Variants in NOL4L observed in about 807,000 individuals in gnomAD.
The protein encoded by NOL4L is nucleolar protein 4 like, also known as nucleolar protein 4-like.
NOL4L carries 7 observed loss-of-function variants against 64.5 expected under a neutral mutation model. The ratio of observed to expected loss-of-function variants is 0.11; its 90% CI spans 0.06 to 0.20. The LOEUF (loss-of-function observed/expected upper bound fraction) is 0.20. NOL4L is among the 10% of genes least tolerant of loss of function. The pLI, the probability that NOL4L is intolerant of heterozygous loss-of-function variation, is 1.00. For synonymous variants in NOL4L, 413 were observed against 401.0 expected, an observed-to-expected ratio of 1.03 and a Z score of -0.36; for missense variants, 680 against 967.1, an observed-to-expected ratio of 0.70 and a Z score of 3.94.
intron 1 of NOL4L, among the ~76,000 whole-genome samples, chr20:32,547,322 A>G (rs889168345): frequency 1.3e-5 from 2 of 152,080 alleles, no homozygotes; most frequent in African/African-American, 4.8e-5. Context: ...AGAGGATCCC[A>G]TTCTGTCACC....
intron 4 of NOL4L, among the ~76,000 whole-genome samples, chr20:32,498,714 G>A (rs894199818): frequency 1.4e-5 from 2 of 138,372 alleles, no homozygotes; most frequent in Non-Finnish European, 3.0e-5. Context: ...ATTGAGCTGT[G>A]ATTGCACCAC....
rs6058745 is a variant in NOL4L at position 32,578,146 on chromosome 20, G to A, written c.321+6424C>T. ...AAGGAAGGAAGGAAGGAAGGAGGGA[G>A]GGAGGGAGGGAGGGAGGGAGGGAGG... is the stretch of plus-strand genomic sequence containing the variant. On this transcript the variant is annotated intron_variant, in intron 1 of 10. Transcript: ENST00000621426. Among the ~76,000 whole-genome samples, 2,136 of 64,986 alleles carry A rather than the reference G, an allele frequency of 0.033. 48 individuals carry two copies. The East Asian group carries it at 0.38, about 12-fold the overall frequency. 42.6% of individuals were successfully genotyped at this position (64,986 alleles called of 152,430 possible).
rs1345779718 is a variant in NOL4L at position 32,446,445 on chromosome 20, C to CTGA, written c.*1148_*1150dup. ...AGCCCGCCCTGGAGCTCACGGCTGC[C>CTGA]TGATAGCCGGGGCTCACCCTGAAGA... is the stretch of plus-strand genomic sequence containing the variant. On this transcript the variant is annotated 3_prime_UTR_variant, in exon 11 of 11. Coordinates refer to ENST00000621426, the MANE Select transcript of NOL4L (RefSeq NM_001256798.2). 2.0e-5 allele frequency: 3 copies of CTGA among 152,344 alleles called. No individual in the cohort carries two copies. The allele number at this position is 152,344 out of a possible 1,614,324, so 9.4% of individuals were successfully genotyped here.
intron 4 of NOL4L, among the ~76,000 whole-genome samples, chr20:32,490,929 C>A (rs1233169598): frequency 6.6e-6 from 1 of 152,218 alleles, no homozygotes; most frequent in Non-Finnish European, 1.5e-5. Flanking sequence ...TTCTGTTCCT[C>A]TCTGGGAACT....
intron 4 of NOL4L, among the ~76,000 whole-genome samples, chr20:32,476,198 G>GACACACACACACACACACAC (rs1167969757): frequency 7.1e-6 from 1 of 140,976 alleles, no homozygotes; most frequent in Non-Finnish European, 1.5e-5. Context: ...CACCCGGAGG[G>GACACACACACACACACACAC]ACACACACAC....
intron 4 of NOL4L, among the ~76,000 whole-genome samples, chr20:32,476,479 C>T (rs2015408812): frequency 6.6e-6 from 1 of 152,172 alleles, no homozygotes; most frequent in Non-Finnish European, 1.5e-5. Flanking sequence ...TCCTGGATGC[C>T]CAGGGGGTGC....
chr20:32,567,856 C>T (rs1367770639), intron 1 of NOL4L, among the ~76,000 whole-genome samples: 2 of 152,082 alleles, frequency 1.3e-5, no homozygotes, highest in Non-Finnish European at 2.9e-5. Context: ...ACCACCATCA[C>T]CATCACACCA....
Position 32,483,255 on chromosome 20 carries a change from C to A in NOL4L, c.700-8513G>T, listed in dbSNP as rs1394333043. 4.6e-6 allele frequency: 3 copies of A among 646,140 alleles called. No individual in the cohort carries two copies. In the East Asian group the frequency reaches 4.2e-4, roughly 90 times the overall value. The allele number at this position is 646,140 out of a possible 1,614,324, so 40.0% of individuals were successfully genotyped here. ...CCCCAGAACCGCCCCCAGCCCCTCG[C>A]CCCCCTAACCGCAGCTCAACGGCCG... On this transcript the variant is annotated intron_variant, in intron 4 of 10. Transcript: ENST00000621426.
chr20:32,511,762 A>C (rs564889762), intron 3 of NOL4L, among the ~76,000 whole-genome samples: 33 of 152,328 alleles, frequency 2.2e-4, no homozygotes, highest in African/African-American at 7.9e-4. Context: ...AGGCAGGAGG[A>C]TCCCTTGAGC....
Position 32,454,023 on chromosome 20 carries a change from C to T in NOL4L, c.1120-262G>A, listed in dbSNP as rs116144619. 9.3e-4 allele frequency: 448 copies of T among 479,416 alleles called. 2 individuals are homozygous for T. The highest frequency in any genetic ancestry group is 8.0e-3 in the African/African-American group (416 of 51,948). 29.7% of individuals were successfully genotyped at this position (479,416 alleles called of 1,614,324 possible). On this transcript the variant is annotated intron_variant, in intron 6 of 10. Coordinates refer to ENST00000621426, the MANE Select transcript of NOL4L (RefSeq NM_001256798.2). ...ATAGTGTATGCAGAGACCTGGTTCC[C>T]GGGGCTGCTGAGCGCTTAGGAGGGT...
chr20:32,452,786 A>C, intron 9 of NOL4L, 98 bp downstream of exon 9: 1 of 1,552,632 alleles, frequency 6.4e-7, no homozygotes, highest in Non-Finnish European at 8.7e-7. Flanking sequence ...CCTTCTCCCG[A>C]CTGTACCCAT....
At position 32,453,562 on chromosome 20, in the gene NOL4L, C is replaced by A. The variant is rs148477403; in HGVS notation, c.1305+14G>T. 1 of 1,613,810 alleles carries A rather than the reference C, an allele frequency of 6.2e-7. No homozygotes were observed. Among genetic ancestry groups the A allele is most frequent in the East Asian group, 2.2e-5 (1 of 44,876 alleles). ...GCCCCCATCCCACCCCACCTGTTTC[C>A]GGCCGGTGCTCACGTTGAAGGCCTT... On this transcript the variant is annotated intron_variant, in intron 7 of 10. Transcript: ENST00000621426. The surrounding 1 kb of genome is among the most constrained non-coding windows in gnomAD (Gnocchi z 5.6).
At chr20:32,533,405 G>GCC (rs1034146491) in intron 1 of NOL4L, 1 of 152,062 alleles carries the variant, frequency 6.6e-6, no homozygotes, top group African/African-American at 2.4e-5. Context: ...GTTTTAACAG[G>GCC]CCCCCCCAGA....
At chr20:32,546,311 C>T (rs991220034) in intron 1 of NOL4L, among the ~76,000 whole-genome samples, 2 of 147,004 alleles carry the variant, frequency 1.4e-5, no homozygotes, top group African/African-American at 2.5e-5. Flanking sequence ...TGCAATGGCG[C>T]GATCTCAGCT....
At chr20:32,565,859 G>A (rs1329920281) in intron 1 of NOL4L, among the ~76,000 whole-genome samples, 4 of 151,732 alleles carry the variant, frequency 2.6e-5, no homozygotes, top group African/African-American at 9.6e-5. Context: ...GCAAGACCCC[G>A]TCTCTAAAAA....
chr20:32,541,522 C>T (rs1029901343), intron 1 of NOL4L, among the ~76,000 whole-genome samples: 96 of 152,198 alleles, frequency 6.3e-4, no homozygotes, highest in African/African-American at 2.1e-3. Context: ...GCTGATGGGC[C>T]GCCTGAAGCC....
At chr20:32,482,605 C>T (rs1432463488) in intron 4 of NOL4L, among the ~76,000 whole-genome samples, 2 of 151,916 alleles carry the variant, frequency 1.3e-5, no homozygotes, top group Non-Finnish European at 2.9e-5. Context: ...CGGCCGGCTG[C>T]CCCCGCCCCG....
intron 3 of NOL4L, among the ~76,000 whole-genome samples, chr20:32,513,273 A>G (rs1394289700): frequency 6.6e-6 from 1 of 152,180 alleles, no homozygotes; most frequent in African/African-American, 2.4e-5. Context: ...GACTTATAAT[A>G]CCTGCCCCTC....
chr20:32,551,305 G>C (rs1223677951), intron 1 of NOL4L, among the ~76,000 whole-genome samples: 1 of 151,632 alleles, frequency 6.6e-6, no homozygotes, highest in African/African-American at 2.4e-5. Flanking sequence ...GAACCCAGGA[G>C]GCGGAGGTTG....
Sources: gnomAD v4.1 joint callset for allele counts (sites outside exome capture counted in the v4.1 genomes callset) on GRCh38, gnomAD v4.1.1 for gene constraint, Gnocchi (gnomAD v3.1) non-coding constraint, MANE v1.5 for transcripts, NCBI Gene and HGNC (gene_info 2026-07-23, HGNC 2026-07-21) for gene names.